Variants in PCMTD2 observed in about 807,000 individuals in gnomAD.
The protein encoded by PCMTD2 is protein-L-isoaspartate (D-aspartate) O-methyltransferase domain containing 2.
In PCMTD2, 16 loss-of-function variants were observed where a neutral mutation model predicts 33.4. The observed-to-expected ratio is 0.48, with a 90% confidence interval of 0.32 to 0.73. The LOEUF is 0.73. Among genes scored for constraint, PCMTD2 ranks in the 30% least tolerant of loss-of-function variants. The pLI is 0.03. For missense variants in PCMTD2, 374 were observed against 449.9 expected (o/e 0.83, Z 1.53); for synonymous variants, 161 against 160.8 (o/e 1.00, Z -0.01).
chr20:64,265,128 C>T (rs1343300293), intron 3 of PCMTD2, 130 bp from the exon 4 acceptor site: 2 of 536,574 alleles, frequency 3.7e-6, no homozygotes, highest in Non-Finnish European at 6.4e-6. Flanking sequence ...TAATTCTTTT[C>T]TTCCAGCTCC....
At chr20:64,256,266 A>C (rs10470009) in intron 1 of PCMTD2, among the ~76,000 whole-genome samples, 9,523 of 152,216 alleles carry the variant, frequency 0.063, 860 homozygotes, top group African/African-American at 0.2. Flanking sequence ...GGATTTTTTA[A>C]AAAAATAATT....
chr20:64,266,334 T>A (rs1360782875), intron 4 of PCMTD2, among the ~76,000 whole-genome samples: 1 of 152,208 alleles, frequency 6.6e-6, no homozygotes, highest in Non-Finnish European at 1.5e-5. Flanking sequence ...CTCAGCTTAG[T>A]GCAACCTCTG....
intron 2 of PCMTD2, among the ~76,000 whole-genome samples, chr20:64,263,912 T>A (rs900150110): frequency 6.6e-6 from 1 of 152,266 alleles, no homozygotes; most frequent in African/African-American, 2.4e-5. Context: ...AGCACTGTCA[T>A]CATTAAGTGG....
chr20:64,258,918 T>G (rs1388381839), intron 1 of PCMTD2: 1 of 152,254 alleles, frequency 6.6e-6, no homozygotes. Flanking sequence ...TTTTGTAGTT[T>G]TAAGAAGAGT....
At chr20:64,268,041 T>A in intron 5 of PCMTD2, 31 bp downstream of exon 5, 1 of 1,516,986 alleles carries the variant, frequency 6.6e-7, no homozygotes, top group Non-Finnish European at 9.0e-7. Context: ...TTATTTTATC[T>A]TTTAGATCTT....
In PCMTD2 at chr20:64,275,254, T is replaced by G. The variant is rs1329760408; in HGVS notation, c.*1654T>G. 2 of 152,354 alleles carry G rather than the reference T, an allele frequency of 1.3e-5. No homozygotes were observed. The highest frequency in any genetic ancestry group is 3.8e-4 in the East Asian group (2 of 5,196). The allele number at this position is 152,354 out of a possible 1,614,324, so 9.4% of individuals were successfully genotyped here. A position where few individuals can be genotyped will look rare whatever the true frequency, so the allele number is the denominator to read the frequency against. On this transcript the variant is annotated 3_prime_UTR_variant, in exon 6 of 6. Coordinates refer to ENST00000308824, the MANE Select transcript of PCMTD2 (RefSeq NM_018257.3). ...TCTTTCAAAGAGAAATGTGTGATTT[T>G]CATTTACTTGCTGATATTTTGTAGT...
At chr20:64,256,611 T>C (rs972584005) in intron 1 of PCMTD2, 2 of 152,220 alleles carry the variant, frequency 1.3e-5, no homozygotes, top group African/African-American at 2.4e-5. Flanking sequence ...ATGAGTGAAG[T>C]TGAGGTGCCT....
chr20:64,271,822 C>A, intron 5 of PCMTD2: 1 of 186,456 alleles, frequency 5.4e-6, no homozygotes, highest in Non-Finnish European at 1.1e-5. Flanking sequence ...CCTTGGAGAT[C>A]TGGAGAGGCC....
chr20:64,267,852 T>A (rs1339899978), intron 4 of PCMTD2, 35 bp from the exon 5 acceptor site: 3 of 1,597,254 alleles, frequency 1.9e-6, no homozygotes, highest in Admixed American at 1.7e-5. Context: ...TAGTAGCCAA[T>A]TCTTTTGAAT....
intron 2 of PCMTD2, among the ~76,000 whole-genome samples, chr20:64,263,573 G>T (rs1485165360): frequency 1.3e-5 from 2 of 152,184 alleles, no homozygotes; most frequent in African/African-American, 4.8e-5. Context: ...AAGTTGACGT[G>T]TAACTTACCC....
At chr20:64,262,299 G>T (rs1028171524) in intron 2 of PCMTD2, among the ~76,000 whole-genome samples, 6 of 152,066 alleles carry the variant, frequency 3.9e-5, no homozygotes, top group African/African-American at 1.4e-4. Flanking sequence ...TGCTGTACTT[G>T]ACATCCCCTA....
At chr20:64,262,868 T>C (rs960331710) in intron 2 of PCMTD2, 2 of 152,318 alleles carry the variant, frequency 1.3e-5, no homozygotes, top group African/African-American at 4.8e-5. Context: ...GGAGCGGCTC[T>C]GCCAGGGGGG....
At position 64,259,637 on chromosome 20, in the gene PCMTD2, G is replaced by A. The variant is rs180807273; in HGVS notation, c.-24-305G>A. 8.5e-4 allele frequency among the ~76,000 whole-genome samples: 130 copies of A among 152,166 alleles called. 1 individual carries two copies. The highest frequency in any genetic ancestry group is 1.1e-3 in the Non-Finnish European group (77 of 67,994). On this transcript the variant is annotated intron_variant, in intron 1 of 5. Coordinates refer to ENST00000308824, the MANE Select transcript of PCMTD2 (RefSeq NM_018257.3). ...ACTCCTGACCTCAGGTGATCCAACTGCCTCGGCCTCCCAAAGTGCTGGGAT... is the reference window on the plus strand; with the variant it reads ...ACTCCTGACCTCAGGTGATCCAACTACCTCGGCCTCCCAAAGTGCTGGGAT...
rs1310475055 is a variant in PCMTD2, at chr20:64,275,010, T to G, written c.*1410T>G. ...TCTTAATCCTCAGCTTCTTGGGAGTTGCTGGGCTTCAGTGTCTCTGTGGTT... is the reference window on the plus strand; with the variant it reads ...TCTTAATCCTCAGCTTCTTGGGAGTGGCTGGGCTTCAGTGTCTCTGTGGTT... On this transcript the variant is annotated 3_prime_UTR_variant, in exon 6 of 6. Coordinates refer to ENST00000308824, the MANE Select transcript of PCMTD2 (RefSeq NM_018257.3). 6.6e-6 allele frequency: 1 copy of G among 152,232 alleles called. No individual in the cohort carries two copies. The highest frequency in any genetic ancestry group is 2.4e-5 in the African/African-American group (1 of 41,464). The allele number at this position is 152,232 out of a possible 1,614,324, so 9.4% of individuals were successfully genotyped here. A position where few individuals can be genotyped will look rare whatever the true frequency, so the allele number is the denominator to read the frequency against.
intron 5 of PCMTD2, among the ~76,000 whole-genome samples, chr20:64,272,987 T>A (rs1177600467): frequency 6.6e-6 from 1 of 152,246 alleles, no homozygotes; most frequent in Non-Finnish European, 1.5e-5. Context: ...GCAATATTGC[T>A]TCCTTTCCCT....
chr20:64,259,357 G>A (rs1370415702), intron 1 of PCMTD2, among the ~76,000 whole-genome samples: 1 of 151,080 alleles, frequency 6.6e-6, no homozygotes, highest in Non-Finnish European at 1.5e-5. Flanking sequence ...TGTAATATAG[G>A]ACACCACCTA....
At chr20:64,263,877 C>T (rs1038728729) in intron 2 of PCMTD2, among the ~76,000 whole-genome samples, 3 of 152,150 alleles carry the variant, frequency 2.0e-5, no homozygotes, top group Non-Finnish European at 4.4e-5. Context: ...TCCCAGTTAA[C>T]GTAGGGGCAG....
intron 1 of PCMTD2, chr20:64,258,728 AATT>A (rs1985271911): frequency 6.6e-6 from 1 of 152,202 alleles, no homozygotes; most frequent in Non-Finnish European, 1.5e-5. Context: ...ACTTCATCAT[AATT>A]ATAACAAGTT....
chr20:64,255,909 C>A, intron 1 of PCMTD2, 39 bp downstream of exon 1: 1 of 154,084 alleles, frequency 6.5e-6, no homozygotes, highest in South Asian at 1.9e-4. Flanking sequence ...TCGGTCCGGC[C>A]TGCGGCGAGC....
Sources: allele counts gnomAD v4.1 joint callset (sites outside exome capture counted in the v4.1 genomes callset), GRCh38; gene constraint gnomAD v4.1.1; transcripts MANE v1.5; gene names NCBI Gene and HGNC (gene_info 2026-07-23, HGNC 2026-07-21).